The following UMAD1 variants were observed in gnomAD, a reference collection of about 807,000 sequenced individuals.
UMAD1 encodes UBAP1-MVB12-associated (UMA)-domain containing protein 1.
In UMAD1, 8 loss-of-function variants were observed where a neutral mutation model predicts 6.1. The observed-to-expected ratio is 1.30, with a 90% CI of 0.76 to 2.35. The LOEUF (loss-of-function observed/expected upper bound fraction) is 2.35. Among genes scored for constraint, UMAD1 ranks in the 30% most tolerant of loss-of-function variants. The probability of loss-of-function intolerance (pLI) is 0.00; values close to 1 mark genes in which losing one functional copy is unlikely to be tolerated. For synonymous variants in UMAD1, 56 were observed against 31.4 expected (o/e 1.78, Z -2.61); for missense variants, 130 against 78.4 (o/e 1.66, Z -2.49).
intron 3 of UMAD1, among the ~76,000 whole-genome samples, chr7:7,840,180 G>A (rs1783650928): frequency 6.6e-6 from 1 of 152,122 alleles, no homozygotes; most frequent in South Asian, 2.1e-4. Flanking sequence ...TAGGTAAATA[G>A]GGTTCTGGGG....
At chr7:7,872,728 C>G (rs1394097855) in intron 3 of UMAD1, among the ~76,000 whole-genome samples, 1 of 152,128 alleles carries the variant, frequency 6.6e-6, no homozygotes, top group Non-Finnish European at 1.5e-5. Context: ...GAATGTATGC[C>G]TATACCTCCA....
chr7:7,717,433 G>A (rs927183910), intron 2 of UMAD1, among the ~76,000 whole-genome samples: 3 of 152,150 alleles, frequency 2.0e-5, no homozygotes, highest in Non-Finnish European at 2.9e-5. Flanking sequence ...TTTCTTTGGC[G>A]TGAGACGATA....
intron 3 of UMAD1, among the ~76,000 whole-genome samples, chr7:7,862,449 G>A (rs542162067): frequency 6.6e-6 from 1 of 152,096 alleles, no homozygotes. Flanking sequence ...ATTACATTCT[G>A]AAGAAGTTGA....
intron 2 of UMAD1, among the ~76,000 whole-genome samples, chr7:7,679,929 C>G (rs1415986732): frequency 2.0e-5 from 3 of 151,724 alleles, no homozygotes; most frequent in Non-Finnish European, 2.9e-5. Flanking sequence ...CTTATATATA[C>G]TGATTGTTCA....
intron 1 of UMAD1, among the ~76,000 whole-genome samples, chr7:7,670,151 A>G (rs908381957): frequency 2.0e-5 from 3 of 152,198 alleles, no homozygotes; most frequent in Non-Finnish European, 2.9e-5. Flanking sequence ...TTCTTATACT[A>G]CACTTGAGTT....
intron 3 of UMAD1, among the ~76,000 whole-genome samples, chr7:7,840,566 AAGG>A (rs1783660554): frequency 6.6e-6 from 1 of 151,826 alleles, no homozygotes; most frequent in South Asian, 2.1e-4. Flanking sequence ...CTATGGGAGG[AAGG>A]AGGATTGATT....
chr7:7,793,393 G>A (rs1782608517), intron 2 of UMAD1, among the ~76,000 whole-genome samples: 1 of 152,156 alleles, frequency 6.6e-6, no homozygotes, highest in Admixed American at 6.5e-5. Context: ...GGAGTTAATG[G>A]TGTGGCCATT....
At chr7:7,801,610 G>T in intron 2 of UMAD1, 60 bp from the exon 3 acceptor site, 1 of 680,068 alleles carries the variant, frequency 1.5e-6, no homozygotes. Flanking sequence ...CAAATAGCAA[G>T]TAGTTTGGCC....
Position 7,646,371 on chromosome 7 carries a change from G to T in UMAD1, c.-64+5550G>T, listed in dbSNP as rs139347243. On this transcript the variant is annotated intron_variant, in intron 1 of 3. Transcript: ENST00000682710. The stretch of plus-strand genomic sequence containing the variant: ...TTCCCATGTGTTGTGGGAGGGACCC[G>T]ATGAGAGATAACTGAATCATGGGGA... 5.6e-3 allele frequency among the ~76,000 whole-genome samples: 850 copies of T among 151,906 alleles called. 7 individuals carry two copies. The highest frequency in any genetic ancestry group is 9.2e-3 in the Non-Finnish European group (623 of 67,980).
intron 1 of UMAD1, among the ~76,000 whole-genome samples, chr7:7,654,398 G>A (rs1259890022): frequency 6.6e-6 from 1 of 152,176 alleles, no homozygotes; most frequent in African/African-American, 2.4e-5. Flanking sequence ...TTTATCATAT[G>A]GATATGGGAA....
chr7:7,753,919 C>T (rs112835265), intron 2 of UMAD1, among the ~76,000 whole-genome samples: 12 of 152,210 alleles, frequency 7.9e-5, no homozygotes, highest in East Asian at 1.9e-4. Flanking sequence ...TGTGGTGGCT[C>T]ATTCCTGTAA....
intron 3 of UMAD1, among the ~76,000 whole-genome samples, chr7:7,846,973 G>C (rs1783796267): frequency 7.2e-6 from 1 of 138,356 alleles, no homozygotes; most frequent in Non-Finnish European, 1.5e-5. Flanking sequence ...ACATTAGTGG[G>C]TGCAGCGCAC....
chr7:7,802,700 A>G (rs1782827106), intron 3 of UMAD1, among the ~76,000 whole-genome samples: 1 of 152,202 alleles, frequency 6.6e-6, no homozygotes, highest in Admixed American at 6.5e-5. Flanking sequence ...TAGTTGTAGC[A>G]TATGAGGGTA....
At chr7:7,728,837 A>G (rs890294169) in intron 2 of UMAD1, among the ~76,000 whole-genome samples, 3 of 152,172 alleles carry the variant, frequency 2.0e-5, no homozygotes, top group Admixed American at 6.5e-5. Flanking sequence ...TTATTCAACA[A>G]TATTTATAGT....
chr7:7,860,604 CAAAAAA>C (rs373823869), intron 3 of UMAD1, among the ~76,000 whole-genome samples: 43 of 93,862 alleles, frequency 4.6e-4, no homozygotes, highest in African/African-American at 8.6e-4. Context: ...ACTAAAAATA[CAAAAAA>C]AAAAAAAAAA....
intron 2 of UMAD1, among the ~76,000 whole-genome samples, chr7:7,746,884 T>G (rs1781582583): frequency 1.3e-5 from 2 of 152,196 alleles, no homozygotes; most frequent in South Asian, 4.1e-4. Flanking sequence ...TGCTATCTTC[T>G]GGTATTAAGG....
At chr7:7,849,627 C>G (rs901895609) in intron 3 of UMAD1, among the ~76,000 whole-genome samples, 1 of 152,172 alleles carries the variant, frequency 6.6e-6, no homozygotes, top group Non-Finnish European at 1.5e-5. Flanking sequence ...CTCTCATATA[C>G]TGCACATACA....
chr7:7,797,475 C>G (rs1449114440), intron 2 of UMAD1, among the ~76,000 whole-genome samples: 7 of 152,078 alleles, frequency 4.6e-5, no homozygotes, highest in Non-Finnish European at 8.8e-5. Context: ...ACCACCAACC[C>G]CTTCAGACAA....
chr7:7,764,476 G>A (rs1781949383), intron 2 of UMAD1, among the ~76,000 whole-genome samples: 1 of 152,204 alleles, frequency 6.6e-6, no homozygotes, highest in Admixed American at 6.5e-5. Flanking sequence ...AATTTGTTTA[G>A]ATGAAGCTGA....
Sources: allele counts gnomAD v4.1 joint callset (sites outside exome capture counted in the v4.1 genomes callset), GRCh38; gene constraint gnomAD v4.1.1; transcripts MANE v1.5; gene names NCBI Gene and HGNC (gene_info 2026-07-23, HGNC 2026-07-21).